The following CEP162 variants were observed in gnomAD, a reference collection of about 807,000 sequenced individuals.
The protein encoded by CEP162 is centrosomal protein 162.
In CEP162, 141 loss-of-function variants were observed where a neutral mutation model predicts 169.2. The observed-to-expected ratio is 0.83, with a 90% confidence interval of 0.73 to 0.96. The LOEUF is 0.96. Ranked by LOEUF, CEP162 falls within the 40% of genes least tolerant of loss-of-function variation. CEP162 has a pLI of 0.00. For missense variants in CEP162, 1,600 were observed against 1,587.2 expected (o/e 1.01, Z -0.14); for synonymous variants, 540 against 526.4 (o/e 1.03, Z -0.35).
chr6:84,190,380 G>C (rs933706841), intron 11 of CEP162, among the ~76,000 whole-genome samples: 6 of 152,100 alleles, frequency 3.9e-5, no homozygotes, highest in African/African-American at 1.4e-4. Context: ...ATAAAAGCAG[G>C]CTGCCCGAGC....
chr6:84,197,010 C>T (rs998978886), intron 9 of CEP162, among the ~76,000 whole-genome samples: 1 of 151,964 alleles, frequency 6.6e-6, no homozygotes, highest in Non-Finnish European at 1.5e-5. Context: ...CATTAATTTT[C>T]AAGAAAAAAG....
In CEP162 at chr6:84,186,574, G is replaced by A. The variant is rs778583906; in HGVS notation, c.1159C>T (p.Pro387Ser). 15 of 1,609,306 alleles carry A rather than the reference G, an allele frequency of 9.3e-6. No homozygotes were observed. In the South Asian group the frequency reaches 1.4e-4, roughly 15 times the overall value. Residue 387 changes from proline (P) to serine (S), a missense_variant, in exon 12 of 27, where the codon CCC becomes TCC. Coordinates refer to ENST00000403245, the MANE Select transcript of CEP162 (RefSeq NM_014895.4). The part of the protein sequence containing the change: ...RKETEFFSSL[P>S]LKMNPNILSQ... ...AAAATATTTGGGTTCATCTTCAGGG[G>A]TAAAGAGCTAAAAAATTCAGTTTCT...
chr6:84,134,211 C>A (rs1405004890), intron 25 of CEP162, among the ~76,000 whole-genome samples: 1 of 152,172 alleles, frequency 6.6e-6, no homozygotes, highest in African/African-American at 2.4e-5. Context: ...ACTCCCCCCA[C>A]CAAGCTTGAG....
intron 9 of CEP162, 119 bp from the exon 10 acceptor site, chr6:84,195,194 G>T: frequency 1.2e-6 from 1 of 835,750 alleles, no homozygotes; most frequent in Non-Finnish European, 1.8e-6. Flanking sequence ...GTACTAACTA[G>T]GTAATTTGCA....
intron 13 of CEP162, among the ~76,000 whole-genome samples, chr6:84,183,394 C>T (rs2099535740): frequency 6.6e-6 from 1 of 152,074 alleles, no homozygotes; most frequent in African/African-American, 2.4e-5. Context: ...AACTCCTTTC[C>T]ATCTCAGATA....
In CEP162 at chr6:84,215,338, C is replaced by G. The variant is rs149716513; in HGVS notation, c.447G>C (p.Ser149=). The change falls in exon 5 of 27, where the codon TCG becomes TCC. Residue 149 remains serine (S), a synonymous_variant. Transcript: ENST00000403245. ...TAGAATCCAATTCCTTATTTAATCT[C>G]GAATAATCAATGGAAGATGTCAAGC... The part of the protein sequence containing the change: ...EKGLTSSIDY[S]RLNKELDSND... The G allele has an allele frequency of 6.2e-7, 1 of 1,602,244 alleles. No homozygotes were observed. The highest frequency in any genetic ancestry group is 1.3e-5 in the African/African-American group (1 of 74,718).
At chr6:84,212,457 T>C (rs1056180518) in intron 6 of CEP162, among the ~76,000 whole-genome samples, 1 of 152,070 alleles carries the variant, frequency 6.6e-6, no homozygotes, top group East Asian at 1.9e-4. Flanking sequence ...TACAGTGATA[T>C]AACATTATTT....
In CEP162 at chr6:84,172,181, T is replaced by C. The variant is rs769255370; in HGVS notation, c.2167-463A>G. The stretch of plus-strand genomic sequence containing the variant: ...CTGCCAGTGGTGAGGTAATCAGATG[T>C]ACCTACGGGTGCTCATACTTGTATC... On this transcript the variant is annotated intron_variant, in intron 16 of 26. Coordinates refer to ENST00000403245, the MANE Select transcript of CEP162 (RefSeq NM_014895.4). 2.4e-4 allele frequency among the ~76,000 whole-genome samples: 36 copies of C among 152,298 alleles called. 2 individuals carry two copies. Among genetic ancestry groups the C allele is most frequent in the Admixed American group, 1.0e-3 (16 of 15,300 alleles).
chr6:84,152,993 C>T lies in CEP162; in HGVS notation c.3181G>A (p.Val1061Ile), dbSNP rs750195858. The T allele has an allele frequency of 1.2e-5, 19 of 1,613,336 alleles. No homozygotes were observed. The highest frequency in any genetic ancestry group is 1.2e-4 in the Admixed American group (7 of 59,856). The change falls in exon 23 of 27, where the codon GTC becomes ATC. Residue 1061 changes from valine to isoleucine, a missense_variant. By Grantham distance (29) the Val-to-Ile change is conservative. Transcript: ENST00000403245. ...TCATCATCTTTATCATTTTTCTTGA[C>T]GTCTAATTCAGCATTCTGATGTTTA... ...VLKHQNAELD[V>I]KKNDKDDEDF...
intron 11 of CEP162, among the ~76,000 whole-genome samples, chr6:84,187,967 G>A (rs1282501861): frequency 6.6e-6 from 1 of 152,126 alleles, no homozygotes; most frequent in African/African-American, 2.4e-5. Flanking sequence ...TCTCTCTGTA[G>A]ACTCAGTCTG....
Position 84,171,715 on chromosome 6 carries a change from T to C in CEP162, c.2170A>G (p.Asn724Asp), listed in dbSNP as rs2129218445. 2 of 1,415,644 alleles carry C rather than the reference T, an allele frequency of 1.4e-6. No homozygotes were observed. Among genetic ancestry groups the C allele is most frequent in the Non-Finnish European group, 1.9e-6 (2 of 1,056,258 alleles). The allele number at this position is 1,415,644 out of a possible 1,614,324, so 87.7% of individuals were successfully genotyped here. The change falls in exon 17 of 27, where the codon AAT (asparagine) becomes GAT (aspartate). Residue 724 changes from asparagine (N) to aspartate (D), a missense_variant. Coordinates refer to ENST00000403245, the MANE Select transcript of CEP162 (RefSeq NM_014895.4). ...TTTACTTGATTATATAATCGTTCAT[T>C]TTCCTTTTTAAAAACAGAAAACTGC... ...ETLLQGYQQENERLYNQVKDL... is the reference protein window; with the variant it reads ...ETLLQGYQQEDERLYNQVKDL...
intron 6 of CEP162, among the ~76,000 whole-genome samples, chr6:84,211,526 CAAAAAAA>C (rs960472453): frequency 6.7e-3 from 237 of 35,574 alleles, no homozygotes; most frequent in African/African-American, 8.2e-3. Context: ...GATTCTATCT[CAAAAAAA>C]AAAAAAAAAA....
At chr6:84,205,625 C>A (rs1213048727) in intron 6 of CEP162, among the ~76,000 whole-genome samples, 1 of 152,120 alleles carries the variant, frequency 6.6e-6, no homozygotes, top group Non-Finnish European at 1.5e-5. Context: ...ACTGAATGGG[C>A]AAAAGCTGGA....
In CEP162 at chr6:84,161,790, G is replaced by A. The variant is rs374739713; in HGVS notation, c.2632C>T (p.Arg878Trp). The A allele has an allele frequency of 6.9e-6, 11 of 1,601,038 alleles. No individual in the cohort carries two copies. Among genetic ancestry groups the A allele is most frequent in the East Asian group, 6.7e-5 (3 of 44,562 alleles). Residue 878 changes from arginine (R) to tryptophan (W), a missense_variant, in exon 20 of 27, where the codon CGG becomes TGG. Coordinates refer to ENST00000403245, the MANE Select transcript of CEP162 (RefSeq NM_014895.4). ...ATTTCCTCATTTGCTTCTCTAAGCC[G>A]AAGTGCATCTTTATCCAGAAGTTCC... is the stretch of plus-strand genomic sequence containing the variant. ...NQELLDKDAL[R>W]LREANEEIEK...
intron 2 of CEP162, among the ~76,000 whole-genome samples, chr6:84,225,128 C>T (rs1310631191): frequency 6.6e-6 from 1 of 152,128 alleles, no homozygotes; most frequent in African/African-American, 2.4e-5. Flanking sequence ...CTCTTGAATG[C>T]TCTACAAGGC....
chr6:84,179,266 CA>C (rs995371285), intron 13 of CEP162, among the ~76,000 whole-genome samples: 1 of 151,762 alleles, frequency 6.6e-6, no homozygotes, highest in Non-Finnish European at 1.5e-5. Flanking sequence ...AACTAGTTTA[CA>C]CTCCTACCAA....
At chr6:84,208,376 C>T (rs2127741556) in intron 6 of CEP162, among the ~76,000 whole-genome samples, 1 of 152,230 alleles carries the variant, frequency 6.6e-6, no homozygotes, top group South Asian at 2.1e-4. Flanking sequence ...ATTTTGGAAA[C>T]AAACATGATC....
At chr6:84,223,687 A>AGGT (rs1383767735) in intron 2 of CEP162, among the ~76,000 whole-genome samples, 16 of 151,938 alleles carry the variant, frequency 1.1e-4, no homozygotes, top group Admixed American at 3.9e-4. Flanking sequence ...CAGGCGGATC[A>AGGT]CTTGAGGTCA....
At chr6:84,176,260 A>C (rs1007196628) in intron 13 of CEP162, among the ~76,000 whole-genome samples, 4 of 152,242 alleles carry the variant, frequency 2.6e-5, no homozygotes, top group African/African-American at 9.6e-5. Context: ...AATATAGAGC[A>C]GTCAAAAGAA....
Sources: allele counts gnomAD v4.1 joint callset (sites outside exome capture counted in the v4.1 genomes callset), GRCh38; gene constraint gnomAD v4.1.1; transcripts MANE v1.5; gene names NCBI Gene and HGNC (gene_info 2026-07-23, HGNC 2026-07-21).